The following ERC2 variants were observed in gnomAD, a reference collection of about 807,000 sequenced individuals.
The protein encoded by ERC2 is ERC protein 2.
Under a neutral mutation model 114.8 loss-of-function variants are expected in ERC2, and 42 were observed. The observed-to-expected ratio is 0.37, with a 90% confidence interval of 0.29 to 0.47. The LOEUF (loss-of-function observed/expected upper bound fraction) is 0.47. ERC2 is among the 20% of genes least tolerant of loss of function. ERC2 has a pLI of 0.99. For synonymous variants in ERC2, 454 were observed against 425.5 expected (o/e 1.07, Z -0.82); for missense variants, 939 against 1,150.7 (o/e 0.82, Z 2.66).
chr3:55,958,508 T>C (rs1219141753), intron 12 of ERC2, among the ~76,000 whole-genome samples: 1 of 152,102 alleles, frequency 6.6e-6, no homozygotes, highest in Non-Finnish European at 1.5e-5. Context: ...TCACCAGGGA[T>C]CTGTCCCTTT....
chr3:56,328,031 T>C (rs1302044243), intron 2 of ERC2, among the ~76,000 whole-genome samples: 1 of 152,180 alleles, frequency 6.6e-6, no homozygotes, highest in Non-Finnish European at 1.5e-5. Flanking sequence ...CATTTGTAAC[T>C]CAGTGGAGGA....
intron 3 of ERC2, among the ~76,000 whole-genome samples, chr3:56,230,523 G>C (rs1328912186): frequency 6.6e-6 from 1 of 152,090 alleles, no homozygotes; most frequent in Non-Finnish European, 1.5e-5. Flanking sequence ...GCCTACCAAA[G>C]TGCTGGGATT....
At chr3:55,954,813 A>G (rs2067826590) in intron 12 of ERC2, among the ~76,000 whole-genome samples, 1 of 152,084 alleles carries the variant, frequency 6.6e-6, no homozygotes. Flanking sequence ...TCTTCTAGTA[A>G]AACAGCCTAC....
At chr3:56,046,970 G>C (rs1029942854) in intron 7 of ERC2, among the ~76,000 whole-genome samples, 1 of 152,152 alleles carries the variant, frequency 6.6e-6, no homozygotes, top group Non-Finnish European at 1.5e-5. Context: ...TAGTGGAAAG[G>C]AGTCTGTCTT....
At chr3:56,373,507 AG>A (rs768000001) in intron 2 of ERC2, among the ~76,000 whole-genome samples, 15 of 152,238 alleles carry the variant, frequency 9.9e-5, no homozygotes, top group Admixed American at 2.0e-4. Context: ...AAGGCTCAAC[AG>A]GGGATTAGTT....
At chr3:56,240,686 A>G (rs1452964377) in intron 3 of ERC2, among the ~76,000 whole-genome samples, 1 of 152,226 alleles carries the variant, frequency 6.6e-6, no homozygotes, top group Non-Finnish European at 1.5e-5. Flanking sequence ...ATATGCTTAA[A>G]AATGAGTCAT....
chr3:55,644,700 A>G (rs187126047), intron 17 of ERC2, among the ~76,000 whole-genome samples: 1 of 151,884 alleles, frequency 6.6e-6, no homozygotes, highest in African/African-American at 2.4e-5. Flanking sequence ...TATAATTTGG[A>G]GTTTGGTGTA....
At chr3:56,362,397 C>T (rs1019480084) in intron 2 of ERC2, among the ~76,000 whole-genome samples, 1 of 152,300 alleles carries the variant, frequency 6.6e-6, no homozygotes, top group East Asian at 1.9e-4. Flanking sequence ...GTACATCACA[C>T]CTTCCCATTC....
intron 3 of ERC2, among the ~76,000 whole-genome samples, chr3:56,216,386 A>T (rs575152191): frequency 5.3e-5 from 8 of 152,254 alleles, no homozygotes; most frequent in Non-Finnish European, 8.8e-5. Flanking sequence ...TAAACTAGAA[A>T]ATCTAGAAGA....
At chr3:55,583,430 CCTTCCTTCCTT>C (rs2057385622) in intron 17 of ERC2, among the ~76,000 whole-genome samples, 1 of 128,852 alleles carries the variant, frequency 7.8e-6, no homozygotes, top group African/African-American at 3.1e-5. Context: ...TTCCTTCCTT[CCTTCCTTCCTT>C]CCTCCCTCCC....
At chr3:56,074,981 C>T (rs911043531) in intron 7 of ERC2, among the ~76,000 whole-genome samples, 5 of 152,204 alleles carry the variant, frequency 3.3e-5, no homozygotes, top group African/African-American at 4.8e-5. Context: ...AAGAATTTTG[C>T]GAGAAGCTGG....
chr3:55,984,868 T>C (rs2070466268), intron 12 of ERC2, among the ~76,000 whole-genome samples: 1 of 152,178 alleles, frequency 6.6e-6, no homozygotes, highest in Admixed American at 6.5e-5. Flanking sequence ...AAGCCAGCAG[T>C]GGGACAAAAT....
At chr3:56,206,218 C>T (rs1246167433) in intron 3 of ERC2, among the ~76,000 whole-genome samples, 4 of 151,554 alleles carry the variant, frequency 2.6e-5, no homozygotes, top group Non-Finnish European at 5.9e-5. Flanking sequence ...CACACACACA[C>T]ACTCACATAC....
intron 2 of ERC2, among the ~76,000 whole-genome samples, chr3:56,330,316 G>T (rs1413881650): frequency 6.6e-6 from 1 of 152,156 alleles, no homozygotes; most frequent in African/African-American, 2.4e-5. Context: ...TGAGATTATA[G>T]GCATGAGCCA....
At chr3:55,962,996 T>C (rs759725069) in intron 12 of ERC2, among the ~76,000 whole-genome samples, 4 of 152,192 alleles carry the variant, frequency 2.6e-5, no homozygotes, top group Non-Finnish European at 2.9e-5. Context: ...AGTAGCTTGG[T>C]TGACTATTAG....
At chr3:55,943,049 C>T (rs2066904579) in intron 13 of ERC2, among the ~76,000 whole-genome samples, 1 of 152,082 alleles carries the variant, frequency 6.6e-6, no homozygotes, top group African/African-American at 2.4e-5. Context: ...TTTGCAGGTG[C>T]CCCCCTGACT....
chr3:55,520,252 G>C (rs978314654), intron 17 of ERC2, among the ~76,000 whole-genome samples: 2 of 151,228 alleles, frequency 1.3e-5, no homozygotes, highest in Admixed American at 6.6e-5. Context: ...CCTGGCCAAC[G>C]TGGTGAAACC....
chr3:56,270,142 AGTT>A (rs2053566167), intron 3 of ERC2, among the ~76,000 whole-genome samples: 1 of 152,048 alleles, frequency 6.6e-6, no homozygotes, highest in South Asian at 2.1e-4. Flanking sequence ...CAAATCTCTA[AGTT>A]TCCAATGAGG....
intron 3 of ERC2, among the ~76,000 whole-genome samples, chr3:56,266,562 A>G (rs562279623): frequency 3.3e-5 from 5 of 152,302 alleles, no homozygotes; most frequent in South Asian, 4.1e-4. Flanking sequence ...CAAAACCACA[A>G]TGAGATATCT....
Sources: gnomAD v4.1 joint callset for allele counts (sites outside exome capture counted in the v4.1 genomes callset) on GRCh38, gnomAD v4.1.1 for gene constraint, MANE v1.5 for transcripts, NCBI Gene and HGNC (gene_info 2026-07-23, HGNC 2026-07-21) for gene names.